The following DNM2 variants were observed in gnomAD, a reference collection of about 807,000 sequenced individuals.
The protein encoded by DNM2 is dynamin-2.
A neutral mutation model predicts 99.0 loss-of-function variants in DNM2; 15 were observed. The ratio of observed to expected loss-of-function variants is 0.15; its 90% CI spans 0.10 to 0.23. DNM2 has a LOEUF of 0.23. Ranked by LOEUF, DNM2 falls within the 10% of genes least tolerant of loss-of-function variation. DNM2 has a pLI of 1.00. For synonymous variants in DNM2, 525 were observed against 481.2 expected (o/e 1.09, Z -1.19); for missense variants, 742 against 1,189.4 (o/e 0.62, Z 5.53).
chr19:10,819,316 A>C (rs2072889487), intron 15 of DNM2, among the ~76,000 whole-genome samples: 1 of 152,288 alleles, frequency 6.6e-6, no homozygotes. Flanking sequence ...CCCAGGACCT[A>C]TCCAGCCCCA....
chr19:10,806,980 G>A (rs1215807629), intron 13 of DNM2, among the ~76,000 whole-genome samples: 7 of 152,094 alleles, frequency 4.6e-5, no homozygotes, highest in Admixed American at 3.3e-4. Flanking sequence ...GAGAAGCCCT[G>A]AGCCACAAAG....
rs2072787968 is a variant in DNM2, at chr19:10,817,418, C to T, written c.1672-2562C>T. The T allele has an allele frequency of 2.0e-6, 1 of 511,106 alleles. No individual in the cohort carries two copies. The highest frequency in any genetic ancestry group is 4.0e-6 in the Non-Finnish European group (1 of 248,708). The allele number at this position is 511,106 out of a possible 1,614,324, so 31.7% of individuals were successfully genotyped here. On this transcript the variant is annotated intron_variant, in intron 15 of 20. Coordinates refer to ENST00000389253, the MANE Select transcript of DNM2 (RefSeq NM_001005361.3). The surrounding 1 kb of genome is among the most constrained non-coding windows in gnomAD (Gnocchi z 4.6). ...GGCCTGTCTCGACGAGCCGCTCACC[C>T]AAGCCCAGCCTAACCAATGTGCAGA...
intron 13 of DNM2, 171 bp from the exon 14 acceptor site, chr19:10,808,398 G>C: frequency 1.6e-6 from 1 of 619,062 alleles, no homozygotes. Flanking sequence ...CCATGAATAT[G>C]ATTAATAGCA....
chr19:10,744,100 A>G (rs1438145451), intron 1 of DNM2, among the ~76,000 whole-genome samples: 1 of 151,930 alleles, frequency 6.6e-6, no homozygotes, highest in African/African-American at 2.4e-5. Context: ...GGAGGTTGCA[A>G]TGAGCCAAGA....
chr19:10,831,070 G>T lies in DNM2; in HGVS notation c.*23G>T. On this transcript the variant is annotated 3_prime_UTR_variant, in exon 21 of 21. Coordinates refer to ENST00000389253, the MANE Select transcript of DNM2 (RefSeq NM_001005361.3). This position sits in a 1 kb window ranked among gnomAD's most constrained non-coding sequence, Gnocchi z 4.3. The stretch of plus-strand genomic sequence containing the variant: ...TAGGCCTCGAGGGGGGCGTGCTCTC[G>T]GGGGGGCCTCACGCACCCGCGGCGC... 2.5e-6 allele frequency: 4 copies of T among 1,580,760 alleles called. No individual in the cohort carries two copies. The highest frequency in any genetic ancestry group is 2.7e-5 in the African/African-American group (2 of 73,834).
At chr19:10,748,520 C>T (rs1228153578) in intron 1 of DNM2, among the ~76,000 whole-genome samples, 1 of 152,138 alleles carries the variant, frequency 6.6e-6, no homozygotes, top group Non-Finnish European at 1.5e-5. Context: ...GCTGGGTGAC[C>T]AATGGCTATT....
chr19:10,825,024 G>A (rs2073096242), intron 17 of DNM2, 33 bp from the exon 18 acceptor site: 1 of 1,613,190 alleles, frequency 6.2e-7, no homozygotes, highest in East Asian at 2.2e-5. Flanking sequence ...CCAGGCCACA[G>A]TCACCCCTCA....
rs921933284 is a variant in DNM2, at chr19:10,791,567, A to G, written c.993-2153A>G. ...ACCGACCAGCCGGTCACAATTGTCC[A>G]GAATGCTCTGATTGTGCAGCGTGGG... On this transcript the variant is annotated intron_variant, in intron 7 of 20. Coordinates refer to ENST00000389253, the MANE Select transcript of DNM2 (RefSeq NM_001005361.3). Among the ~76,000 whole-genome samples the G allele has an allele frequency of 7.9e-5, 12 of 152,324 alleles. No individual in the cohort carries two copies. In the South Asian group the frequency reaches 2.1e-3, roughly 26 times the overall value.
rs535851493 is a variant in DNM2, at chr19:10,727,671, A to C, written c.161+9268A>C. Reference sequence around the variant, plus strand: ...AGGCAAGAGCCACGGCACCCGGCCTAGGTTAGATTTAGAGTTTTCAGAGTT... The same window carrying C: ...AGGCAAGAGCCACGGCACCCGGCCTCGGTTAGATTTAGAGTTTTCAGAGTT... On this transcript the variant is annotated intron_variant, in intron 1 of 20. Coordinates refer to ENST00000389253, the MANE Select transcript of DNM2 (RefSeq NM_001005361.3). Among the ~76,000 whole-genome samples, 9 of 152,196 alleles carry C rather than the reference A, an allele frequency of 5.9e-5. No homozygotes were observed. The East Asian group carries it at 1.7e-3, about 29-fold the overall frequency.
At chr19:10,768,459 A>AAAC (rs547733989) in intron 2 of DNM2, 1 of 152,330 alleles carries the variant, frequency 6.6e-6, no homozygotes, top group Non-Finnish European at 1.5e-5. Flanking sequence ...GTCTCAAAAA[A>AAAC]AACAACAACA....
chr19:10,729,951 A>AT (rs1224211657), intron 1 of DNM2, among the ~76,000 whole-genome samples: 2 of 151,334 alleles, frequency 1.3e-5, no homozygotes, highest in African/African-American at 4.9e-5. Context: ...CAGCCTTGAC[A>AT]TCCTGTGCTC....
At chr19:10,751,025 A>G (rs982819687) in intron 1 of DNM2, among the ~76,000 whole-genome samples, 3 of 152,060 alleles carry the variant, frequency 2.0e-5, no homozygotes, top group Non-Finnish European at 4.4e-5. Context: ...CTCCCCACAC[A>G]GCTCAGATGG....
chr19:10,798,249 C>T (rs537603623), intron 10 of DNM2: 178 of 569,170 alleles, frequency 3.1e-4, no homozygotes, highest in Non-Finnish European at 6.0e-5. Context: ...TCCTGCCCCC[C>T]GGTCACTGGC....
chr19:10,749,041 T>C (rs981852808), intron 1 of DNM2, among the ~76,000 whole-genome samples: 1 of 152,128 alleles, frequency 6.6e-6, no homozygotes, highest in African/African-American at 2.4e-5. Context: ...GCTGAGCATA[T>C]GGTGACAAGG....
At chr19:10,761,826 G>A (rs2070644882) in intron 2 of DNM2, among the ~76,000 whole-genome samples, 1 of 152,168 alleles carries the variant, frequency 6.6e-6, no homozygotes, top group African/African-American at 2.4e-5. Context: ...TCCAGTGAGA[G>A]ACAGCAGCCG....
intron 13 of DNM2, among the ~76,000 whole-genome samples, chr19:10,806,645 T>C (rs916472090): frequency 4.0e-5 from 6 of 151,822 alleles, no homozygotes; most frequent in African/African-American, 1.5e-4. Context: ...TACAAAAAAT[T>C]AACCAGGCGT....
rs2072440102 is a variant in DNM2, at chr19:10,808,714, C to G, written c.1557+134C>G. 2.3e-5 allele frequency: 27 copies of G among 1,160,280 alleles called. 1 individual carries two copies. In the South Asian group the frequency reaches 3.8e-4, roughly 16 times the overall value. 71.9% of individuals were successfully genotyped at this position (1,160,280 alleles called of 1,614,324 possible). On this transcript the variant is annotated intron_variant, in intron 14 of 20. Transcript: ENST00000389253. ...ACTAAAAATCGAGCTAACCTGGAAA[C>G]CCCATGCCGCAGCCGGCGCTGGACT...
rs1262634479 is a variant in DNM2 at position 10,825,156 on chromosome 19, G to A, written c.1993G>A (p.Ala665Thr). 5 of 1,614,108 alleles carry A rather than the reference G, an allele frequency of 3.1e-6. No homozygotes were observed. The highest frequency in any genetic ancestry group is 4.2e-6 in the Non-Finnish European group (5 of 1,180,042). ...TIRNLVDSYV[A>T]IINKSIRDLM... Reference sequence around the variant, plus strand: ...TCGCAACCTGGTGGACTCATACGTGGCCATCATCAACAAGTCCATCCGCGA... The same window carrying A: ...TCGCAACCTGGTGGACTCATACGTGACCATCATCAACAAGTCCATCCGCGA... The change falls in exon 18 of 21, where the codon GCC (alanine) becomes ACC (threonine). Residue 665 changes from alanine (A) to threonine (T), a missense_variant. Around this residue, in one of 7 missense-constraint regions of DNM2, gnomAD observed 240 missense variants for 431.3 expected, o/e 0.56. Transcript: ENST00000389253.
chr19:10,778,340 TG>T (rs1366759068), intron 5 of DNM2, among the ~76,000 whole-genome samples: 4 of 151,812 alleles, frequency 2.6e-5, no homozygotes, highest in Non-Finnish European at 5.9e-5. Flanking sequence ...GCCATCTTCC[TG>T]GAAGATTTTA....
Sources: allele counts gnomAD v4.1 joint callset (sites outside exome capture counted in the v4.1 genomes callset), GRCh38; gene constraint gnomAD v4.1.1; regional missense constraint gnomAD v4.1.1; non-coding constraint Gnocchi (gnomAD v3.1); transcripts MANE v1.5; gene names NCBI Gene and HGNC (gene_info 2026-07-23, HGNC 2026-07-21).